Variants in PIK3C2G observed in about 807,000 individuals in gnomAD.
PIK3C2G encodes phosphatidylinositol 3-kinase C2 domain-containing subunit gamma.
Under a neutral mutation model 181.1 loss-of-function variants are expected in PIK3C2G, and 168 were observed. The ratio of observed to expected loss-of-function variants is 0.93; its 90% CI spans 0.82 to 1.05. PIK3C2G has a LOEUF of 1.05. PIK3C2G is among the 50% of genes least tolerant of loss of function. The pLI, the probability that PIK3C2G is intolerant of heterozygous loss-of-function variation, is 0.00. For synonymous variants in PIK3C2G, 573 were observed against 592.2 expected (o/e 0.97, Z 0.47); for missense variants, 1,869 against 1,732.8 (o/e 1.08, Z -1.40).
chr12:18,293,803 C>A (rs1384409193), intron 4 of PIK3C2G, 98 bp from the exon 5 acceptor site: 3 of 666,558 alleles, frequency 4.5e-6, no homozygotes, highest in Admixed American at 2.7e-5. Context: ...CAGTTACAAT[C>A]CTTCATAATG....
At chr12:18,535,317 A>C (rs1943789366) in intron 24 of PIK3C2G, among the ~76,000 whole-genome samples, 1 of 152,094 alleles carries the variant, frequency 6.6e-6, no homozygotes, top group East Asian at 1.9e-4. Context: ...AAAGATACAG[A>C]ATTTTATTTT....
intron 21 of PIK3C2G, among the ~76,000 whole-genome samples, chr12:18,496,757 C>T (rs1941047521): frequency 6.6e-6 from 1 of 152,080 alleles, no homozygotes; most frequent in African/African-American, 2.4e-5. Context: ...TTCAGCCAAG[C>T]CCGTGCAACA....
chr12:18,380,379 A>T (rs1358460979), intron 13 of PIK3C2G, among the ~76,000 whole-genome samples: 5 of 151,862 alleles, frequency 3.3e-5, no homozygotes, highest in African/African-American at 1.2e-4. Context: ...GAACAATATG[A>T]CCTCCAAGTT....
chr12:18,268,103 A>G (rs570034808), intron 1 of PIK3C2G, among the ~76,000 whole-genome samples: 1 of 152,238 alleles, frequency 6.6e-6, no homozygotes, highest in South Asian at 2.1e-4. Flanking sequence ...CCATTTTTTC[A>G]GGCTGGGATA....
In PIK3C2G at chr12:18,475,772, C is replaced by T. The variant is rs530662455; in HGVS notation, c.2505-12677C>T. Among the ~76,000 whole-genome samples the T allele has an allele frequency of 8.5e-5, 13 of 152,084 alleles. No individual in the cohort carries two copies. The Middle Eastern group carries it at 0.014, about 159-fold the overall frequency. ...TATATGCATGTATATGTATAATATGCAAACTCTTAGGCGACTAAAGGAAAT... is the reference window on the plus strand; with the variant it reads ...TATATGCATGTATATGTATAATATGTAAACTCTTAGGCGACTAAAGGAAAT... On this transcript the variant is annotated intron_variant, in intron 18 of 32. Coordinates refer to ENST00000538779, the MANE Select transcript of PIK3C2G (RefSeq NM_001288772.2).
chr12:18,584,028 TTTTTTTG>T (rs1420960666), intron 29 of PIK3C2G, among the ~76,000 whole-genome samples: 3 of 144,856 alleles, frequency 2.1e-5, no homozygotes, highest in African/African-American at 7.5e-5. Flanking sequence ...AGTTTTTTTG[TTTTTTTG>T]TTTTTTTTTT....
At chr12:18,550,762 C>T (rs1349001358) in intron 26 of PIK3C2G, among the ~76,000 whole-genome samples, 1 of 151,978 alleles carries the variant, frequency 6.6e-6, no homozygotes, top group Non-Finnish European at 1.5e-5. Context: ...CAAGAAAACC[C>T]CTTCTCCCTT....
chr12:18,480,898 T>G (rs2136018466), intron 18 of PIK3C2G, among the ~76,000 whole-genome samples: 1 of 152,258 alleles, frequency 6.6e-6, no homozygotes, highest in Non-Finnish European at 1.5e-5. Context: ...TGCTAACACC[T>G]CTGGTTCACC....
rs941290456 is a variant in PIK3C2G, at chr12:18,571,582, T to G, written c.4011+4525T>G. 3.3e-5 allele frequency among the ~76,000 whole-genome samples: 5 copies of G among 150,890 alleles called. 1 individual carries two copies. The South Asian group carries it at 1.0e-3, about 31-fold the overall frequency. ...ATATTTTTCCCATTATATTGAAATT[T>G]TCACTAACGTTCACGTGTCTCTCCT... On this transcript the variant is annotated intron_variant, in intron 29 of 32. Coordinates refer to ENST00000538779, the MANE Select transcript of PIK3C2G (RefSeq NM_001288772.2).
At chr12:18,279,280 A>G (rs1949114329) in intron 1 of PIK3C2G, among the ~76,000 whole-genome samples, 1 of 152,170 alleles carries the variant, frequency 6.6e-6, no homozygotes, top group East Asian at 1.9e-4. Context: ...AATATTATAT[A>G]TCTGACAGGT....
intron 18 of PIK3C2G, among the ~76,000 whole-genome samples, chr12:18,450,288 G>A (rs1947277771): frequency 6.6e-6 from 1 of 152,058 alleles, no homozygotes; most frequent in Non-Finnish European, 1.5e-5. Context: ...CACCACGCCT[G>A]GCTAATTTTG....
chr12:18,503,537 G>T, intron 23 of PIK3C2G, 120 bp downstream of exon 23: 1 of 603,590 alleles, frequency 1.7e-6, no homozygotes, highest in South Asian at 3.3e-5. Flanking sequence ...AATTCAATCA[G>T]CCCAGTAATT....
In PIK3C2G at chr12:18,526,252, C is replaced by T. The variant is rs1365690014; in HGVS notation, c.3324-11904C>T. 2.0e-5 allele frequency among the ~76,000 whole-genome samples: 3 copies of T among 152,124 alleles called. No individual in the cohort carries two copies. In the South Asian group the frequency reaches 6.2e-4, roughly 32 times the overall value. On this transcript the variant is annotated intron_variant, in intron 24 of 32. Transcript: ENST00000538779. The stretch of plus-strand genomic sequence containing the variant: ...AATGATAGGTAATAATAATCTCCTT[C>T]ATGCTTTAATTACTACCTTAGTTTT...
chr12:18,696,263 T>G, the PIK3C2G span: 1 of 1,494,658 alleles, frequency 6.7e-7, no homozygotes, highest in South Asian at 1.1e-5. Flanking sequence ...AATAAACTCA[T>G]GGACTGAAAA....
At chr12:18,369,363 C>T (rs1320259562) in intron 12 of PIK3C2G, among the ~76,000 whole-genome samples, 1 of 152,168 alleles carries the variant, frequency 6.6e-6, no homozygotes, top group East Asian at 1.9e-4. Context: ...CTCCTTGTCT[C>T]ATAAATAGTT....
chr12:18,344,134 A>G (rs1939417116), intron 10 of PIK3C2G, among the ~76,000 whole-genome samples: 1 of 152,136 alleles, frequency 6.6e-6, no homozygotes, highest in African/African-American at 2.4e-5. Context: ...TTGGTTGTAG[A>G]TGGTACTTGG....
chr12:18,712,047 G>A, the PIK3C2G span, among the ~76,000 whole-genome samples: 1 of 152,008 alleles, frequency 6.6e-6, no homozygotes, highest in African/African-American at 2.4e-5. Context: ...TGACATAGGA[G>A]AACTTTATTA....
At chr12:18,693,684 G>A in the PIK3C2G span, 1 of 1,566,414 alleles carries the variant, frequency 6.4e-7, no homozygotes, top group Non-Finnish European at 8.8e-7. Context: ...GGTGGTGAGA[G>A]AGAAATTCAG....
intron 30 of PIK3C2G, among the ~76,000 whole-genome samples, chr12:18,601,995 A>C (rs990387262): frequency 6.6e-6 from 1 of 152,140 alleles, no homozygotes; most frequent in African/African-American, 2.4e-5. Flanking sequence ...AGAATTCTCT[A>C]GCTGAACTCT....
Sources: gnomAD v4.1 joint callset for allele counts (sites outside exome capture counted in the v4.1 genomes callset) on GRCh38, gnomAD v4.1.1 for gene constraint, MANE v1.5 for transcripts, NCBI Gene and HGNC (gene_info 2026-07-23, HGNC 2026-07-21) for gene names.